Variants in FGF13 observed in about 807,000 individuals in gnomAD.
FGF13 encodes the protein fibroblast growth factor homologous factor 2.
Under a neutral mutation model 19.5 loss-of-function variants are expected in FGF13, and 2 were observed. The ratio of observed to expected loss-of-function variants is 0.10; its 90% CI spans 0.04 to 0.32. The LOEUF is 0.32. FGF13 is among the 10% of genes least tolerant of loss of function. The probability of loss-of-function intolerance (pLI) is 1.00; values close to 1 mark genes in which losing one functional copy is unlikely to be tolerated. For missense variants in FGF13, 113 were observed against 192.7 expected (o/e 0.59, Z 2.45); for synonymous variants, 72 against 76.9 (o/e 0.94, Z 0.33).
intron 1 of FGF13, among the ~76,000 whole-genome samples, chrX:139,133,083 T>A: frequency 9.0e-6 from 1 of 111,387 alleles, no homozygotes; most frequent in East Asian, 2.8e-4. Flanking sequence ...CTGCAAAATC[T>A]CTTAGGTTCT....
intron 1 of FGF13, among the ~76,000 whole-genome samples, chrX:138,878,044 C>T (rs935645623): frequency 1.8e-5 from 2 of 111,727 alleles, no homozygotes; most frequent in African/African-American, 6.5e-5. Flanking sequence ...TACATTTCCA[C>T]CAACACCACA....
chrX:139,061,568 C>T (rs2092336152), intron 1 of FGF13, among the ~76,000 whole-genome samples: 1 of 110,516 alleles, frequency 9.0e-6, no homozygotes, highest in Admixed American at 9.7e-5. Flanking sequence ...GCCCACCTAC[C>T]TTGGACTTTC....
intron 1 of FGF13, among the ~76,000 whole-genome samples, chrX:138,936,708 C>A (rs777583088): frequency 8.9e-6 from 1 of 111,754 alleles, no homozygotes; most frequent in Non-Finnish European, 1.9e-5. Flanking sequence ...AATTGAGCAC[C>A]TATTATGCAT....
intron 3 of FGF13, among the ~76,000 whole-genome samples, chrX:138,772,057 T>G (rs2090550418): frequency 1.3e-5 from 1 of 78,195 alleles, no homozygotes; most frequent in African/African-American, 4.9e-5. Context: ...TATATATATA[T>G]AGTAAAATCA....
chrX:138,962,892 G>A (rs766834429), intron 1 of FGF13, among the ~76,000 whole-genome samples: 1 of 111,657 alleles, frequency 9.0e-6, no homozygotes, highest in African/African-American at 3.3e-5. Flanking sequence ...AATACCTAGT[G>A]TAAATGATGA....
At chrX:138,842,714 G>C (rs2091157609) in intron 3 of FGF13, among the ~76,000 whole-genome samples, 1 of 110,547 alleles carries the variant, frequency 9.0e-6, no homozygotes, top group African/African-American at 3.3e-5. Context: ...AACTAGGATG[G>C]GGTGCTACTG....
intron 1 of FGF13, among the ~76,000 whole-genome samples, chrX:139,169,524 C>G (rs1274606808): frequency 9.1e-6 from 1 of 109,984 alleles, no homozygotes; most frequent in African/African-American, 3.3e-5. Flanking sequence ...AGCTGGGGTA[C>G]AGAGGTGCAA....
chrX:138,779,442 G>C (rs2090619232), intron 3 of FGF13, among the ~76,000 whole-genome samples: 1 of 109,995 alleles, frequency 9.1e-6, no homozygotes, highest in African/African-American at 3.3e-5. Context: ...TGTATAACTA[G>C]AATAACCAAT....
At chrX:139,020,496 T>G (rs2092173646) in intron 1 of FGF13, among the ~76,000 whole-genome samples, 1 of 111,014 alleles carries the variant, frequency 9.0e-6, no homozygotes, top group African/African-American at 3.3e-5. Context: ...ACTACATTAC[T>G]GCTGTCTAAT....
At chrX:139,103,550 C>A (rs1291173444) in intron 1 of FGF13, among the ~76,000 whole-genome samples, 1 of 111,677 alleles carries the variant, frequency 9.0e-6, no homozygotes, top group Non-Finnish European at 1.9e-5. Flanking sequence ...GGGATAGTGG[C>A]ATGATAGCTG....
At chrX:138,709,995 A>G (rs1222378533) in intron 1 of FGF13, among the ~76,000 whole-genome samples, 1 of 111,294 alleles carries the variant, frequency 9.0e-6, no homozygotes, top group Non-Finnish European at 1.9e-5. Context: ...AGAGTGTAAA[A>G]GATTCATTTG....
intron 1 of FGF13, among the ~76,000 whole-genome samples, chrX:139,097,970 T>C (rs1307089869): frequency 1.8e-5 from 2 of 112,269 alleles, no homozygotes; most frequent in Non-Finnish European, 3.8e-5. Flanking sequence ...TGGGAGTTCA[T>C]TTTATTTTTT....
rs1426447677 is a variant in FGF13 at position 138,625,384 on chromosome X, T to C, written c.*7466A>G. On this transcript the variant is annotated 3_prime_UTR_variant, in exon 5 of 5. Transcript: ENST00000315930. ...ACATCTGCACTCCCATTCATTCCCA[T>C]TGCACCATTATTCACAATAGATAAG... The C allele has an allele frequency of 1.9e-5, 2 of 103,872 alleles. No individual in the cohort carries two copies. The highest frequency in any genetic ancestry group is 7.0e-5 in the African/African-American group (2 of 28,714). The allele number at this position is 103,872 out of a possible 1,213,427, so 8.6% of individuals were successfully genotyped here.
chrX:138,793,311 G>A (rs1372066564), intron 3 of FGF13, among the ~76,000 whole-genome samples: 3 of 111,784 alleles, frequency 2.7e-5, no homozygotes, highest in Admixed American at 9.5e-5. Flanking sequence ...AAACTACTAC[G>A]TGCTCTGAGC....
intron 1 of FGF13, among the ~76,000 whole-genome samples, chrX:138,907,069 C>G (rs992422595): frequency 4.5e-5 from 5 of 111,437 alleles, no homozygotes; most frequent in African/African-American, 1.6e-4. Context: ...TCCTATTATT[C>G]AAGTTGGCTA....
chrX:138,932,290 C>G (rs150208289), intron 1 of FGF13, among the ~76,000 whole-genome samples: 2 of 112,056 alleles, frequency 1.8e-5, no homozygotes, highest in African/African-American at 6.5e-5. Context: ...GCCATTAAAA[C>G]GAAACCCCAG....
intron 1 of FGF13, among the ~76,000 whole-genome samples, chrX:138,922,315 G>C (rs897810054): frequency 9.0e-6 from 1 of 111,637 alleles, no homozygotes. Flanking sequence ...TATAGCACAA[G>C]GCTTATATCC....
In FGF13 at chrX:138,681,077, G is replaced by T. The variant is rs777362379; in HGVS notation, c.402+21907C>A. Among the ~76,000 whole-genome samples, 5 of 107,742 alleles carry T rather than the reference G, an allele frequency of 4.6e-5. No individual in the cohort carries two copies. In the East Asian group the frequency reaches 1.5e-3, roughly 32 times the overall value. The allele number at this position is 107,742 out of a possible 115,157, so 93.6% of individuals were successfully genotyped here. ...TAATCCCAGCTACTTCAGAGGCTGA[G>T]GCAGGAGAATCTCTTGAACCCGGGA... On this transcript the variant is annotated intron_variant, in intron 3 of 4. Coordinates refer to ENST00000315930, the MANE Select transcript of FGF13 (RefSeq NM_004114.5).
At chrX:139,177,874 C>T (rs1475150553) in intron 1 of FGF13, among the ~76,000 whole-genome samples, 1 of 112,426 alleles carries the variant, frequency 8.9e-6, no homozygotes, top group African/African-American at 3.2e-5. Context: ...CCAAGGGAAT[C>T]TCCTGGTCTG....
Sources: allele counts gnomAD v4.1 joint callset (sites outside exome capture counted in the v4.1 genomes callset), GRCh38; gene constraint gnomAD v4.1.1; transcripts MANE v1.5; gene names NCBI Gene and HGNC (gene_info 2026-07-23, HGNC 2026-07-21).